Variants in MCM6 observed in about 807,000 individuals in gnomAD.
The protein encoded by MCM6 is DNA replication licensing factor MCM6.
Under a neutral mutation model 94.3 loss-of-function variants are expected in MCM6, and 46 were observed. The observed-to-expected ratio is 0.49, with a 90% CI of 0.39 to 0.62. MCM6 has a LOEUF of 0.62. Ranked by LOEUF, MCM6 falls within the 20% of genes least tolerant of loss-of-function variation. MCM6 has a pLI of 0.00. For missense variants in MCM6, 865 were observed against 1,017.9 expected (o/e 0.85, Z 2.04); for synonymous variants, 335 against 351.9 (o/e 0.95, Z 0.54).
At chr2:135,859,480 G>A (rs374752709) in intron 8 of MCM6, 38 bp from the exon 9 acceptor site, 18 of 1,480,848 alleles carry the variant, frequency 1.2e-5, no homozygotes, top group African/African-American at 2.8e-5. Flanking sequence ...ATTAATATGT[G>A]ATTATACAGC....
At chr2:135,873,952 ATG>A (rs1211807605) in intron 1 of MCM6, among the ~76,000 whole-genome samples, 1 of 152,356 alleles carries the variant, frequency 6.6e-6, no homozygotes, top group Non-Finnish European at 1.5e-5. Flanking sequence ...GATTCCAAGA[ATG>A]TGATTAAGTC....
At position 135,876,332 on chromosome 2, in the gene MCM6, C is replaced by T. The variant is rs891300519; in HGVS notation, c.34G>A (p.Gly12Ser). ...TCGCGGACCTCCAGGTGCTGGCTGC[C>T]GGCGCCCGGCTCCGCTGCCGCCGCG... ...DLAAAAEPGA[G>S]SQHLEVRDEV... The change falls in exon 1 of 17, where the codon GGC (glycine) becomes AGC (serine). Residue 12 changes from glycine to serine, a missense_variant. Physicochemically the swap from Gly to Ser is moderately conservative, Grantham distance 56. This residue lies in a region of MCM6 where 404 missense variants were observed against 451.9 expected (regional missense o/e 0.89). Coordinates refer to ENST00000264156, the MANE Select transcript of MCM6 (RefSeq NM_005915.6). 5.0e-6 allele frequency: 8 copies of T among 1,609,800 alleles called. No homozygotes were observed. The highest frequency in any genetic ancestry group is 1.3e-5 in the African/African-American group (1 of 74,950).
chr2:135,849,264 C>A (rs544271281), intron 13 of MCM6, among the ~76,000 whole-genome samples: 2 of 152,252 alleles, frequency 1.3e-5, no homozygotes, highest in Admixed American at 6.5e-5. Flanking sequence ...CCTTCTCTTC[C>A]CTGCTTTCTG....
intron 16 of MCM6, among the ~76,000 whole-genome samples, chr2:135,842,440 A>T (rs976365747): frequency 6.6e-6 from 1 of 152,226 alleles, no homozygotes; most frequent in Non-Finnish European, 1.5e-5. Context: ...TCTCTGCCAC[A>T]TAATAGGAAA....
At chr2:135,843,196 A>G (rs1370919185) in intron 16 of MCM6, among the ~76,000 whole-genome samples, 1 of 152,214 alleles carries the variant, frequency 6.6e-6, no homozygotes, top group Non-Finnish European at 1.5e-5. Context: ...TTTGGCCTAT[A>G]GCAATTGAGT....
Position 135,852,907 on chromosome 2 carries a change from A to G in MCM6, c.1635T>C (p.Asp545=), listed in dbSNP as rs1575360752. 1.2e-6 allele frequency: 2 copies of G among 1,602,610 alleles called. No homozygotes were observed. Among genetic ancestry groups the G allele is most frequent in the South Asian group, 2.2e-5 (2 of 88,934 alleles). The change falls in exon 12 of 17, where the codon GAT becomes GAC. Residue 545 remains aspartate (D), a synonymous_variant. Transcript: ENST00000264156. The part of the protein sequence containing the change: ...ILVDECNEVT[D]YAIARRIVDL... ...CTACTATGCGCCTGGCAATGGCATA[A>G]TCTGTAACCTAATTCAAAACAAAAA... is the stretch of plus-strand genomic sequence containing the variant.
intron 6 of MCM6, 62 bp from the exon 7 acceptor site, chr2:135,865,225 G>T: frequency 8.5e-7 from 1 of 1,171,048 alleles, no homozygotes. Context: ...GCATAAAGGA[G>T]AAGAAACTTC....
intron 16 of MCM6, among the ~76,000 whole-genome samples, chr2:135,842,708 AGAG>A (rs1164614092): frequency 6.6e-5 from 10 of 152,186 alleles, no homozygotes; most frequent in Non-Finnish European, 1.5e-5. Flanking sequence ...CAGACATTGG[AGAG>A]GAGGAGGATA....
intron 1 of MCM6, 25 bp downstream of exon 1, chr2:135,876,234 A>C (rs779006827): frequency 6.4e-7 from 1 of 1,554,248 alleles, no homozygotes. Context: ...GAGGCGGGCG[A>C]GGCCCGGGGC....
At chr2:135,858,475 A>G (rs1185819633) in intron 9 of MCM6, among the ~76,000 whole-genome samples, 1 of 152,184 alleles carries the variant, frequency 6.6e-6, no homozygotes, top group African/African-American at 2.4e-5. Flanking sequence ...CGACAGAGCA[A>G]GACTTCATCA....
chr2:135,868,936 T>G, intron 3 of MCM6, 76 bp from the exon 4 acceptor site: 1 of 1,395,588 alleles, frequency 7.2e-7, no homozygotes. Flanking sequence ...TGAGAGGGTA[T>G]TCAAAGATAA....
intron 10 of MCM6, among the ~76,000 whole-genome samples, chr2:135,857,275 T>C (rs147875889): frequency 6.6e-6 from 1 of 152,304 alleles, no homozygotes; most frequent in East Asian, 1.9e-4. Context: ...GGTAAAAGAT[T>C]GCCAAAATAA....
intron 12 of MCM6, among the ~76,000 whole-genome samples, chr2:135,852,154 A>G (rs1679788792): frequency 6.6e-6 from 1 of 152,222 alleles, no homozygotes. Context: ...GGACAGTGAG[A>G]GCCAACTGCA....
chr2:135,847,995 A>G, intron 14 of MCM6, 58 bp downstream of exon 14: 1 of 1,403,108 alleles, frequency 7.1e-7, no homozygotes, highest in Non-Finnish European at 1.0e-6. Flanking sequence ...ACCACATGAC[A>G]TCTCAGAAAA....
At position 135,858,021 on chromosome 2, in the gene MCM6, C is replaced by A. The variant is rs769434035; in HGVS notation, c.1363-17G>T. 2.5e-6 allele frequency: 4 copies of A among 1,608,666 alleles called. No individual in the cohort carries two copies. The highest frequency in any genetic ancestry group is 3.4e-6 in the Non-Finnish European group (4 of 1,176,046). On this transcript the variant is annotated splice_polypyrimidine_tract_variant and intron_variant, in intron 9 of 16. Transcript: ENST00000264156. Reference sequence around the variant, plus strand: ...ACACACACCCTGTAACCAAACAAATCAAGCCTAAGAAGCTGTCTTTCAAGC... The same window carrying A: ...ACACACACCCTGTAACCAAACAAATAAAGCCTAAGAAGCTGTCTTTCAAGC...
intron 8 of MCM6, among the ~76,000 whole-genome samples, chr2:135,860,132 T>G (rs1286225814): frequency 6.9e-6 from 1 of 145,826 alleles, no homozygotes; most frequent in Non-Finnish European, 1.5e-5. Context: ...TATTTTTTAA[T>G]TTAATTAATT....
rs140329818 is a variant in MCM6 at position 135,868,660 on chromosome 2, C to T, written c.566G>A (p.Arg189Lys). 1 of 1,614,034 alleles carries T rather than the reference C, an allele frequency of 6.2e-7. No homozygotes were observed. Among genetic ancestry groups the T allele is most frequent in the African/African-American group, 1.3e-5 (1 of 74,918 alleles). Reference sequence around the variant, plus strand: ...TTTATTTGTATCCAGTAAGAATCTCCTCCTGTTGGCACAAACTGGATTTCG... The same window carrying T: ...TTTATTTGTATCCAGTAAGAATCTCTTCCTGTTGGCACAAACTGGATTTCG... ...ICRNPVCANR[R>K]RFLLDTNKSR... The change falls in exon 4 of 17, where the codon AGG becomes AAG. Residue 189 changes from arginine (R) to lysine (K), a missense_variant. Coordinates refer to ENST00000264156, the MANE Select transcript of MCM6 (RefSeq NM_005915.6).
intron 13 of MCM6, among the ~76,000 whole-genome samples, chr2:135,850,672 G>A (rs576161482): frequency 6.6e-6 from 1 of 152,264 alleles, no homozygotes; most frequent in African/African-American, 2.4e-5. Flanking sequence ...GTTACTTCAG[G>A]GGAAGAGGGC....
intron 2 of MCM6, 118 bp downstream of exon 2, chr2:135,872,578 TG>T (rs1680221611): frequency 1.8e-5 from 19 of 1,068,296 alleles, no homozygotes; most frequent in Non-Finnish European, 2.6e-5. Flanking sequence ...CTCTTCTCAG[TG>T]GGAAATAACT....
Sources: gnomAD v4.1 joint callset for allele counts (sites outside exome capture counted in the v4.1 genomes callset) on GRCh38, gnomAD v4.1.1 for gene constraint, gnomAD v4.1.1 regional missense constraint, MANE v1.5 for transcripts, NCBI Gene and HGNC (gene_info 2026-07-23, HGNC 2026-07-21) for gene names.